The following ATP6V0D2 variants were observed in gnomAD, a reference collection of about 807,000 sequenced individuals.
ATP6V0D2 encodes the protein ATPase H+ transporting V0 subunit d2.
ATP6V0D2 carries 40 observed loss-of-function variants against 40.0 expected under a neutral mutation model. The ratio of observed to expected loss-of-function variants is 1.00; its 90% confidence interval spans 0.78 to 1.30. ATP6V0D2 has a LOEUF of 1.30. Among genes scored for constraint, ATP6V0D2 ranks in the 50% most tolerant of loss-of-function variants. The pLI is 0.00. For synonymous variants in ATP6V0D2, 179 were observed against 156.3 expected, an observed-to-expected ratio of 1.15 and a Z score of -1.08; for missense variants, 470 against 423.1, an observed-to-expected ratio of 1.11 and a Z score of -0.97.
chr8:86,122,017 T>C (rs1454141251), intron 2 of ATP6V0D2, among the ~76,000 whole-genome samples: 1 of 152,232 alleles, frequency 6.6e-6, no homozygotes, highest in Non-Finnish European at 1.5e-5. Context: ...TTGTATACTA[T>C]AATTATACAC....
At chr8:86,131,085 TC>T (rs1818816678) in intron 2 of ATP6V0D2, among the ~76,000 whole-genome samples, 1 of 152,158 alleles carries the variant, frequency 6.6e-6, no homozygotes, top group African/African-American at 2.4e-5. Context: ...GTGATCACCA[TC>T]CTTTAATCAT....
At position 86,145,276 on chromosome 8, in the gene ATP6V0D2, A is replaced by AG. The variant is rs1563566229; in HGVS notation, c.639+2323dup. ...GAGAGAGAAAGAAAGAAAGAAAGAA[A>AG]GAAAGAAAGAAAGAAAGAAAGAAAG... On this transcript the variant is annotated intron_variant, in intron 5 of 7. Coordinates refer to ENST00000285393, the MANE Select transcript of ATP6V0D2 (RefSeq NM_152565.1). Among the ~76,000 whole-genome samples, 6 of 90,462 alleles carry AG rather than the reference A, an allele frequency of 6.6e-5. No homozygotes were observed. In the Admixed American group the frequency reaches 6.9e-4, roughly 10 times the overall value. 59.3% of individuals were successfully genotyped at this position (90,462 alleles called of 152,430 possible).
In ATP6V0D2 at chr8:86,150,499, A is replaced by C. The variant is rs540038450; in HGVS notation, c.816+211A>C. On this transcript the variant is annotated intron_variant, in intron 6 of 7. Coordinates refer to ENST00000285393, the MANE Select transcript of ATP6V0D2 (RefSeq NM_152565.1). ...TAATTTTTAAAGTTCCTGCCAAGCA[A>C]GTACTTGTTTAAATCTCCAAGGAAT... Among the ~76,000 whole-genome samples the C allele has an allele frequency of 2.0e-5, 3 of 151,522 alleles. No individual in the cohort carries two copies. In the East Asian group the frequency reaches 5.8e-4, roughly 29 times the overall value.
At chr8:86,114,160 G>C (rs1455337714) in intron 2 of ATP6V0D2, among the ~76,000 whole-genome samples, 1 of 151,988 alleles carries the variant, frequency 6.6e-6, no homozygotes, top group Non-Finnish European at 1.5e-5. Context: ...AGTGTTGCCA[G>C]TGTTTAAGGT....
chr8:86,113,979 C>A, intron 2 of ATP6V0D2, 99 bp downstream of exon 2: 1 of 1,134,650 alleles, frequency 8.8e-7, no homozygotes, highest in Non-Finnish European at 1.2e-6. Flanking sequence ...AGACTTAAGA[C>A]CTTTTCCATT....
chr8:86,137,949 A>T (rs1429808414), intron 2 of ATP6V0D2, among the ~76,000 whole-genome samples: 3 of 152,130 alleles, frequency 2.0e-5, no homozygotes, highest in Admixed American at 6.5e-5. Flanking sequence ...AAAGCACCTC[A>T]TTGTATAGGT....
chr8:86,146,401 TA>T (rs968503452), intron 5 of ATP6V0D2, among the ~76,000 whole-genome samples: 12 of 151,342 alleles, frequency 7.9e-5, no homozygotes, highest in Admixed American at 2.6e-4. Context: ...CAAACAGCAT[TA>T]AAAAAAAATC....
intron 1 of ATP6V0D2, among the ~76,000 whole-genome samples, chr8:86,100,879 A>C (rs1053405001): frequency 5.9e-5 from 9 of 151,752 alleles, no homozygotes; most frequent in Admixed American, 3.3e-4. Flanking sequence ...AGAAGGAAAC[A>C]AAAAAAAGAA....
intron 2 of ATP6V0D2, among the ~76,000 whole-genome samples, chr8:86,138,818 G>T (rs1228770267): frequency 1.3e-5 from 2 of 152,152 alleles, no homozygotes; most frequent in East Asian, 3.8e-4. Flanking sequence ...AACCAAACAA[G>T]TTCACACCCT....
chr8:86,131,382 G>C lies in ATP6V0D2; in HGVS notation c.303-8075G>C, dbSNP rs140839354. Among the ~76,000 whole-genome samples the C allele has an allele frequency of 3.5e-3, 530 of 151,798 alleles. 3 individuals are homozygous for C. The highest frequency in any genetic ancestry group is 0.011 in the African/African-American group (476 of 41,410). On this transcript the variant is annotated intron_variant, in intron 2 of 7. Coordinates refer to ENST00000285393, the MANE Select transcript of ATP6V0D2 (RefSeq NM_152565.1). Reference sequence around the variant, plus strand: ...GCTCAGCTAATTTTTGTATTTTTTAGTAGAGACAGGGTTTCACCATGTTGG... The same window carrying C: ...GCTCAGCTAATTTTTGTATTTTTTACTAGAGACAGGGTTTCACCATGTTGG...
chr8:86,112,337 C>A (rs778855298), intron 1 of ATP6V0D2, among the ~76,000 whole-genome samples: 1 of 152,048 alleles, frequency 6.6e-6, no homozygotes, highest in Non-Finnish European at 1.5e-5. Context: ...AATTAGTTGG[C>A]AATAAAATAA....
chr8:86,101,022 C>T (rs1818389319), intron 1 of ATP6V0D2, among the ~76,000 whole-genome samples: 1 of 151,660 alleles, frequency 6.6e-6, no homozygotes. Context: ...TGGCAGACAC[C>T]TGTAATCCCA....
At chr8:86,117,732 G>A (rs1158311004) in intron 2 of ATP6V0D2, among the ~76,000 whole-genome samples, 1 of 152,176 alleles carries the variant, frequency 6.6e-6, no homozygotes, top group East Asian at 1.9e-4. Flanking sequence ...TTCCCAGAAG[G>A]GCTGATGTTA....
At chr8:86,116,684 C>T (rs1230789895) in intron 2 of ATP6V0D2, among the ~76,000 whole-genome samples, 3 of 151,956 alleles carry the variant, frequency 2.0e-5, no homozygotes, top group South Asian at 2.1e-4. Context: ...GTGGTATGGC[C>T]GTAGATCAAT....
At chr8:86,129,929 A>G (rs939106154) in intron 2 of ATP6V0D2, among the ~76,000 whole-genome samples, 11 of 144,828 alleles carry the variant, frequency 7.6e-5, no homozygotes, top group African/African-American at 2.8e-4. Flanking sequence ...GTGGTCTGTG[A>G]TTGTACCACA....
intron 2 of ATP6V0D2, among the ~76,000 whole-genome samples, chr8:86,121,476 G>A (rs538829034): frequency 1.1e-4 from 16 of 152,150 alleles, no homozygotes; most frequent in South Asian, 6.2e-4. Flanking sequence ...AGGCTGAGGC[G>A]TGAGAATTGC....
At chr8:86,149,055 G>GAAAAAA (rs1376369799) in intron 5 of ATP6V0D2, among the ~76,000 whole-genome samples, 29 of 110,124 alleles carry the variant, frequency 2.6e-4, no homozygotes, top group Middle Eastern at 6.5e-3. Context: ...TCCAAAGGAA[G>GAAAAAA]AAAAAAAAAA....
intron 2 of ATP6V0D2, among the ~76,000 whole-genome samples, chr8:86,127,894 C>T (rs538777770): frequency 2.6e-5 from 4 of 152,266 alleles, no homozygotes; most frequent in African/African-American, 9.6e-5. Flanking sequence ...AGAAAGGAAA[C>T]CTGTAGCAAT....
chr8:86,124,393 A>T (rs16887445), intron 2 of ATP6V0D2, among the ~76,000 whole-genome samples: 3,516 of 152,334 alleles, frequency 0.023, 140 homozygotes, highest in African/African-American at 0.078. Flanking sequence ...AACGAATTGA[A>T]TATAGACTTT....
Sources: gnomAD v4.1 joint callset for allele counts (sites outside exome capture counted in the v4.1 genomes callset) on GRCh38, gnomAD v4.1.1 for gene constraint, MANE v1.5 for transcripts, NCBI Gene and HGNC (gene_info 2026-07-23, HGNC 2026-07-21) for gene names.